Variants in NR6A1 observed in about 807,000 individuals in gnomAD.
The protein encoded by NR6A1 is nuclear receptor subfamily 6 group A member 1, also known as retinoic acid receptor-related testis-associated receptor.
A neutral mutation model predicts 59.1 loss-of-function variants in NR6A1; 7 were observed. The observed-to-expected ratio is 0.12, with a 90% CI of 0.07 to 0.22. The LOEUF (loss-of-function observed/expected upper bound fraction) is 0.22, where lower values mean the gene tolerates loss of function less well. NR6A1 is among the 10% of genes least tolerant of loss of function. The probability of loss-of-function intolerance (pLI) is 1.00; values close to 1 mark genes in which losing one functional copy is unlikely to be tolerated. For synonymous variants in NR6A1, 243 were observed against 236.1 expected, an observed-to-expected ratio of 1.03 and a Z score of -0.27; for missense variants, 468 against 611.6, an observed-to-expected ratio of 0.77 and a Z score of 2.48.
In NR6A1 at chr9:124,520,906, GT is replaced by G. The variant is rs1832786689; in HGVS notation, c.*1798del. 1 of 152,220 alleles carries G rather than the reference GT, an allele frequency of 6.6e-6. No homozygotes were observed. The highest frequency in any genetic ancestry group is 2.4e-5 in the African/African-American group (1 of 41,456). The allele number at this position is 152,220 out of a possible 1,614,324, so 9.4% of individuals were successfully genotyped here. On this transcript the variant is annotated 3_prime_UTR_variant, in exon 10 of 10. Coordinates refer to ENST00000487099, the MANE Select transcript of NR6A1 (RefSeq NM_033334.4). ...ACGGCATTGAGGAGTAATGTTCCGA[GT>G]TTTAGATCCATCAAGGGCCAAAATC...
chr9:124,693,603 G>T (rs1371250254), intron 2 of NR6A1: 5 of 434,444 alleles, frequency 1.2e-5, no homozygotes, highest in Non-Finnish European at 2.4e-5. Context: ...GCAGATGGCT[G>T]GTTACTAAGG....
chr9:124,577,418 T>A (rs1279771259), intron 2 of NR6A1, among the ~76,000 whole-genome samples: 2 of 152,230 alleles, frequency 1.3e-5, no homozygotes, highest in East Asian at 3.8e-4. Context: ...TTTTCACTGA[T>A]AAGAGTATTA....
chr9:124,662,471 C>T (rs941931722), intron 2 of NR6A1, among the ~76,000 whole-genome samples: 3 of 152,008 alleles, frequency 2.0e-5, no homozygotes, highest in South Asian at 2.1e-4. Flanking sequence ...TTATATAGAA[C>T]GGCTCGCAGT....
At chr9:124,741,369 T>C (rs1840168413) in intron 1 of NR6A1, among the ~76,000 whole-genome samples, 1 of 152,264 alleles carries the variant, frequency 6.6e-6, no homozygotes, top group African/African-American at 2.4e-5. Flanking sequence ...GTTATAAGAA[T>C]AGGTCCATCA....
rs571236334 is a variant in NR6A1, at chr9:124,637,906, A to G, written c.143-83336T>C. On this transcript the variant is annotated intron_variant, in intron 2 of 9. Transcript: ENST00000487099. ...GACTCCCTCTCCAAAAAAAAAAAAA[A>G]AAAAAAGAAAAAAAGGGAACTCCAA... 3.8e-3 allele frequency among the ~76,000 whole-genome samples: 565 copies of G among 150,664 alleles called. 3 individuals carry two copies. The highest frequency in any genetic ancestry group is 0.013 in the African/African-American group (517 of 40,872).
At chr9:124,662,476 C>G (rs560672236) in intron 2 of NR6A1, among the ~76,000 whole-genome samples, 1 of 151,882 alleles carries the variant, frequency 6.6e-6, no homozygotes, top group Non-Finnish European at 1.5e-5. Context: ...TAGAACGGCT[C>G]GCAGTGAAGT....
chr9:124,547,295 G>A (rs993826088), intron 3 of NR6A1, among the ~76,000 whole-genome samples: 3 of 152,084 alleles, frequency 2.0e-5, no homozygotes, highest in South Asian at 2.1e-4. Flanking sequence ...CTACATCAAA[G>A]CTCCACTCAA....
intron 2 of NR6A1, among the ~76,000 whole-genome samples, chr9:124,629,423 T>C (rs1836357145): frequency 6.6e-6 from 1 of 152,236 alleles, no homozygotes; most frequent in African/African-American, 2.4e-5. Context: ...TTCTTCATCT[T>C]GATCACTTAA....
chr9:124,553,198 C>T (rs1482683536), intron 3 of NR6A1, among the ~76,000 whole-genome samples: 1 of 152,196 alleles, frequency 6.6e-6, no homozygotes, highest in East Asian at 1.9e-4. Flanking sequence ...TCTCTTCTTT[C>T]TGCTGAATGA....
intron 1 of NR6A1, among the ~76,000 whole-genome samples, chr9:124,755,391 T>C (rs1394575879): frequency 6.6e-6 from 1 of 152,194 alleles, no homozygotes; most frequent in African/African-American, 2.4e-5. Flanking sequence ...AATTTCATTA[T>C]TGTGATCTAA....
chr9:124,543,696 T>C (rs1833513378), intron 4 of NR6A1, 106 bp downstream of exon 4: 5 of 753,170 alleles, frequency 6.6e-6, no homozygotes, highest in East Asian at 2.9e-5. Context: ...AAAGCAAAGA[T>C]GGCTCTCCTC....
intron 2 of NR6A1, among the ~76,000 whole-genome samples, chr9:124,580,537 G>A (rs1331304814): frequency 2.0e-5 from 3 of 152,090 alleles, no homozygotes; most frequent in African/African-American, 2.4e-5. Context: ...GAACAAAGCT[G>A]GGCCAGGCGT....
At chr9:124,533,149 C>T (rs1297399663) in intron 7 of NR6A1, among the ~76,000 whole-genome samples, 1 of 152,186 alleles carries the variant, frequency 6.6e-6, no homozygotes, top group Non-Finnish European at 1.5e-5. Flanking sequence ...TCCTGTAGTC[C>T]CAGGCCGAAC....
intron 2 of NR6A1, among the ~76,000 whole-genome samples, chr9:124,659,095 A>C (rs1439618101): frequency 1.3e-5 from 2 of 152,216 alleles, no homozygotes; most frequent in Non-Finnish European, 2.9e-5. Flanking sequence ...TGAAGTTTTT[A>C]CCACCTTTTC....
At chr9:124,699,343 T>C (rs957558663) in intron 2 of NR6A1, among the ~76,000 whole-genome samples, 1 of 152,226 alleles carries the variant, frequency 6.6e-6, no homozygotes, top group Non-Finnish European at 1.5e-5. Flanking sequence ...AGGCCTTTTC[T>C]GCATGTAAGT....
intron 2 of NR6A1, among the ~76,000 whole-genome samples, chr9:124,672,853 G>A (rs1006208283): frequency 6.6e-6 from 1 of 151,898 alleles, no homozygotes; most frequent in Non-Finnish European, 1.5e-5. Flanking sequence ...ATATTTGAGG[G>A]GCAGACTTAA....
chr9:124,670,468 G>A (rs1428822599), intron 2 of NR6A1, among the ~76,000 whole-genome samples: 1 of 149,488 alleles, frequency 6.7e-6, no homozygotes, highest in Non-Finnish European at 1.5e-5. Flanking sequence ...TAGTTGTTGA[G>A]AAAAGGTCTA....
Position 124,588,367 on chromosome 9 carries a change from G to A in NR6A1, c.143-33797C>T, listed in dbSNP as rs150468474. Among the ~76,000 whole-genome samples the A allele has an allele frequency of 6.2e-3, 941 of 151,792 alleles. 9 individuals are homozygous for A. The highest frequency in any genetic ancestry group is 0.031 in the Middle Eastern group (9 of 292). On this transcript the variant is annotated intron_variant, in intron 2 of 9. Coordinates refer to ENST00000487099, the MANE Select transcript of NR6A1 (RefSeq NM_033334.4). The stretch of plus-strand genomic sequence containing the variant: ...CTGTTGCCCAGACTGGAGTACAGTG[G>A]CGCGATCTCCACTCACTGCAAGCTC...
chr9:124,628,434 C>T (rs942035192), intron 2 of NR6A1, among the ~76,000 whole-genome samples: 2 of 152,040 alleles, frequency 1.3e-5, no homozygotes, highest in Admixed American at 6.5e-5. Flanking sequence ...ATCTGGGCCT[C>T]GCAGGTTCAA....
Sources: gnomAD v4.1 joint callset for allele counts (sites outside exome capture counted in the v4.1 genomes callset) on GRCh38, gnomAD v4.1.1 for gene constraint, MANE v1.5 for transcripts, NCBI Gene and HGNC (gene_info 2026-07-23, HGNC 2026-07-21) for gene names.